ZDHHC17: variants seen among roughly 807,000 people sequenced by gnomAD.
ZDHHC17 encodes zDHHC palmitoyltransferase 17.
In ZDHHC17, 40 loss-of-function variants were observed where a neutral mutation model predicts 90.3. The observed-to-expected ratio is 0.44, with a 90% CI of 0.34 to 0.58. ZDHHC17 has a LOEUF of 0.58. ZDHHC17 is among the 20% of genes least tolerant of loss of function. ZDHHC17 has a pLI of 0.01. For missense variants in ZDHHC17, 614 were observed against 780.8 expected, an observed-to-expected ratio of 0.79 and a Z score of 2.55; for synonymous variants, 235 against 252.4, an observed-to-expected ratio of 0.93 and a Z score of 0.65.
In ZDHHC17 at chr12:76,822,537, C is replaced by G; in HGVS notation, c.897+6C>G. On this transcript the variant is annotated splice_donor_region_variant and intron_variant, in intron 8 of 16. Coordinates refer to ENST00000426126, the MANE Select transcript of ZDHHC17 (RefSeq NM_015336.4). ...GAAAGCTGAAAGCTGATAAGGTAAA[C>G]TCATAACTGAAGATTTTTTTTTTTT... 1.4e-6 allele frequency: 2 copies of G among 1,461,270 alleles called. No homozygotes were observed. The highest frequency in any genetic ancestry group is 1.9e-6 in the Non-Finnish European group (2 of 1,071,582). 90.5% of individuals were successfully genotyped at this position (1,461,270 alleles called of 1,614,324 possible). A position where few individuals can be genotyped will look rare whatever the true frequency, so the allele number is the denominator to read the frequency against.
Position 76,770,928 on chromosome 12 carries a change from A to G in ZDHHC17, c.93+6599A>G, listed in dbSNP as rs1459524783. On this transcript the variant is annotated intron_variant, in intron 1 of 16. Coordinates refer to ENST00000426126, the MANE Select transcript of ZDHHC17 (RefSeq NM_015336.4). Reference sequence around the variant, plus strand: ...GGGCAATGAGCAAAACTCCATCTCAAAAAAAAAAAAAAAAAAAAATGCAGT... The same window carrying G: ...GGGCAATGAGCAAAACTCCATCTCAGAAAAAAAAAAAAAAAAAAATGCAGT... Among the ~76,000 whole-genome samples, 10 of 112,934 alleles carry G rather than the reference A, an allele frequency of 8.9e-5. 1 individual carries two copies. The highest frequency in any genetic ancestry group is 7.9e-4 in the Admixed American group (9 of 11,332). 74.1% of individuals were successfully genotyped at this position (112,934 alleles called of 152,430 possible).
At chr12:76,843,791 T>C (rs1423859898) in intron 12 of ZDHHC17, 1 of 152,148 alleles carries the variant, frequency 6.6e-6, no homozygotes, top group Non-Finnish European at 1.5e-5. Context: ...AGTGAGCTCA[T>C]GTCTTAGCAT....
intron 14 of ZDHHC17, 66 bp downstream of exon 14, chr12:76,846,745 A>T: frequency 7.6e-7 from 1 of 1,314,706 alleles, no homozygotes; most frequent in Non-Finnish European, 1.1e-6. Flanking sequence ...TACTTACCAC[A>T]CTAACAAATT....
In ZDHHC17 at chr12:76,809,815, C is replaced by G. The variant is rs183589238; in HGVS notation, c.501C>G (p.Phe167Leu). 6.2e-7 allele frequency: 1 copy of G among 1,610,560 alleles called. No individual in the cohort carries two copies. Among genetic ancestry groups the G allele is most frequent in the South Asian group, 1.1e-5 (1 of 90,502 alleles). The change falls in exon 5 of 17, where the codon TTC (phenylalanine) becomes TTG (leucine). Residue 167 changes from phenylalanine (F) to leucine (L), a missense_variant. By Grantham distance (22) the Phe-to-Leu change is conservative. This residue lies in a region of ZDHHC17 where 358 missense variants were observed against 380.4 expected (regional missense o/e 0.94). Coordinates refer to ENST00000426126, the MANE Select transcript of ZDHHC17 (RefSeq NM_015336.4). ...GCSCIHLAAQ[F>L]GHTSIVAYLI... Reference sequence around the variant, plus strand: ...GCTGTATTCATCTGGCTGCTCAGTTCGGACATACCTCAATTGTTGCTTATC... The same window carrying G: ...GCTGTATTCATCTGGCTGCTCAGTTGGGACATACCTCAATTGTTGCTTATC...
At chr12:76,846,810 C>A in intron 14 of ZDHHC17, 131 bp downstream of exon 14, 5 of 721,952 alleles carry the variant, frequency 6.9e-6, no homozygotes, top group African/African-American at 1.8e-5. Context: ...CCTTATGAAG[C>A]ACAAAAGGGA....
chr12:76,815,797 T>C, intron 6 of ZDHHC17, 60 bp from the exon 7 acceptor site: 8 of 1,427,668 alleles, frequency 5.6e-6, no homozygotes, highest in Non-Finnish European at 7.4e-6. Flanking sequence ...TTTGTAATGA[T>C]TTCTATAATT....
intron 1 of ZDHHC17, among the ~76,000 whole-genome samples, chr12:76,775,477 T>C (rs1952548883): frequency 6.6e-6 from 1 of 152,226 alleles, no homozygotes; most frequent in Admixed American, 6.5e-5. Flanking sequence ...ACTGATTTGT[T>C]TATCTCCATT....
chr12:76,805,367 T>C lies in ZDHHC17; in HGVS notation c.248T>C (p.Val83Ala). 1 of 1,604,140 alleles carries C rather than the reference T, an allele frequency of 6.2e-7. No individual in the cohort carries two copies. The highest frequency in any genetic ancestry group is 1.1e-5 in the South Asian group (1 of 89,440). ...CRELVEAGYDVRQPDKENVTL... is the reference protein window; with the variant it reads ...CRELVEAGYDARQPDKENVTL... ...GAATTGGTGGAAGCAGGTTATGATGTACGGCAACCGGACAAAGAAAATGTT... is the reference window on the plus strand; with the variant it reads ...GAATTGGTGGAAGCAGGTTATGATGCACGGCAACCGGACAAAGAAAATGTT... The change falls in exon 3 of 17, where the codon GTA (valine) becomes GCA (alanine). Residue 83 changes from valine to alanine, a missense_variant. Transcript: ENST00000426126.
chr12:76,840,885 C>G (rs1048379202), intron 10 of ZDHHC17: 3 of 152,086 alleles, frequency 2.0e-5, no homozygotes, highest in Non-Finnish European at 2.9e-5. Context: ...ACGTTGGCAC[C>G]TTTTCAAAAC....
Position 76,851,123 on chromosome 12 carries a change from T to C in ZDHHC17, c.*138T>C. The C allele has an allele frequency of 3.0e-6, 3 of 1,008,072 alleles. No homozygotes were observed. Among genetic ancestry groups the C allele is most frequent in the Non-Finnish European group, 4.2e-6 (3 of 711,004 alleles). The allele number at this position is 1,008,072 out of a possible 1,614,324, so 62.4% of individuals were successfully genotyped here. Reference sequence around the variant, plus strand: ...GGCTAATGGTGAATTTTACAGTCTTTTTTTCAACACTTTTATTAACAAAAG... The same window carrying C: ...GGCTAATGGTGAATTTTACAGTCTTCTTTTCAACACTTTTATTAACAAAAG... On this transcript the variant is annotated 3_prime_UTR_variant, in exon 17 of 17. Coordinates refer to ENST00000426126, the MANE Select transcript of ZDHHC17 (RefSeq NM_015336.4).
At position 76,797,726 on chromosome 12, in the gene ZDHHC17, T is replaced by C. The variant is rs538828993; in HGVS notation, c.197+189T>C. 2.6e-5 allele frequency among the ~76,000 whole-genome samples: 4 copies of C among 152,248 alleles called. No individual in the cohort carries two copies. In the South Asian group the frequency reaches 8.3e-4, roughly 32 times the overall value. Reference sequence around the variant, plus strand: ...GCAAGGCCGAGGAGGGTGGATCACCTGAGGTCAGGAGTTTGAGACCAGCCT... The same window carrying C: ...GCAAGGCCGAGGAGGGTGGATCACCCGAGGTCAGGAGTTTGAGACCAGCCT... On this transcript the variant is annotated intron_variant, in intron 2 of 16. Coordinates refer to ENST00000426126, the MANE Select transcript of ZDHHC17 (RefSeq NM_015336.4).
chr12:76,845,306 T>C (rs1294240805), intron 12 of ZDHHC17: 2 of 152,276 alleles, frequency 1.3e-5, no homozygotes, highest in African/African-American at 2.4e-5. Context: ...TTTTATTTTA[T>C]TGAAAAACAC....
In ZDHHC17 at chr12:76,850,851, G is replaced by A; in HGVS notation, c.1765G>A (p.Gly589Arg). The A allele has an allele frequency of 6.2e-7, 1 of 1,613,560 alleles. No individual in the cohort carries two copies. The highest frequency in any genetic ancestry group is 8.5e-7 in the Non-Finnish European group (1 of 1,179,718). The change falls in exon 17 of 17, where the codon GGA becomes AGA. Residue 589 changes from glycine to arginine, a missense_variant. By Grantham distance (125) the Gly-to-Arg change is moderately radical (BLOSUM62 -2). Around this residue, in one of 5 missense-constraint regions of ZDHHC17, gnomAD observed 111 missense variants for 179.8 expected, o/e 0.62. Coordinates refer to ENST00000426126, the MANE Select transcript of ZDHHC17 (RefSeq NM_015336.4). The stretch of plus-strand genomic sequence containing the variant: ...TTTTTGGGGTGCTGTTTTTAGCCAT[G>A]GATGTGTAAGAAATATTATAGACTT... ...TTSIESPFNH[G>R]CVRNIIDFFE...
At chr12:76,818,260 A>C (rs1953113551) in intron 7 of ZDHHC17, among the ~76,000 whole-genome samples, 1 of 152,228 alleles carries the variant, frequency 6.6e-6, no homozygotes, top group African/African-American at 2.4e-5. Context: ...GTAATTAAAA[A>C]GATGAAATGA....
rs747260830 is a variant in ZDHHC17 at position 76,842,080 on chromosome 12, A to G, written c.1240A>G (p.Lys414Glu). 5 of 1,589,076 alleles carry G rather than the reference A, an allele frequency of 3.1e-6. No homozygotes were observed. Among genetic ancestry groups the G allele is most frequent in the Non-Finnish European group, 4.3e-6 (5 of 1,169,464 alleles). The change falls in exon 11 of 17, where the codon AAA becomes GAA. Residue 414 changes from lysine (K) to glutamate (E), a missense_variant. This residue lies in a region of ZDHHC17 where 117 missense variants were observed against 183.6 expected (regional missense o/e 0.64). Transcript: ENST00000426126. ...KSWKSDPGII[K>E]ATEEQKKKTI... The stretch of plus-strand genomic sequence containing the variant: ...TTGGAAATCAGATCCAGGGATTATT[A>G]AAGCAACAGAAGAGCAAAAGAAAAA...
chr12:76,814,976 A>G (rs1953066437), intron 5 of ZDHHC17, among the ~76,000 whole-genome samples, 170 bp from the exon 6 acceptor site: 2 of 152,020 alleles, frequency 1.3e-5, no homozygotes, highest in African/African-American at 4.8e-5. Flanking sequence ...TAGAGTATAT[A>G]GTGACAAGAG....
intron 9 of ZDHHC17, among the ~76,000 whole-genome samples, chr12:76,828,088 A>G (rs1473842724): frequency 2.0e-5 from 3 of 152,148 alleles, no homozygotes; most frequent in Non-Finnish European, 4.4e-5. Context: ...GATAGCTACT[A>G]TATATACTAA....
chr12:76,816,055 TG>T, intron 7 of ZDHHC17, 36 bp downstream of exon 7: 3 of 1,396,884 alleles, frequency 2.1e-6, no homozygotes, highest in Non-Finnish European at 2.8e-6. Context: ...CTGTATGAAA[TG>T]TGGCTAATAT....
At position 76,795,902 on chromosome 12, in the gene ZDHHC17, G is replaced by T. The variant is rs185820889; in HGVS notation, c.94-1532G>T. On this transcript the variant is annotated intron_variant, in intron 1 of 16. Coordinates refer to ENST00000426126, the MANE Select transcript of ZDHHC17 (RefSeq NM_015336.4). Reference sequence around the variant, plus strand: ...ATGTATATTTCTTTCTTCTAATGTGGGTATATAATTATAAATGTTAAAGTG... The same window carrying T: ...ATGTATATTTCTTTCTTCTAATGTGTGTATATAATTATAAATGTTAAAGTG... Among the ~76,000 whole-genome samples the T allele has an allele frequency of 1.2e-4, 18 of 151,936 alleles. No homozygotes were observed. In the East Asian group the frequency reaches 3.1e-3, roughly 26 times the overall value.
Sources: allele counts gnomAD v4.1 joint callset (sites outside exome capture counted in the v4.1 genomes callset), GRCh38; gene constraint gnomAD v4.1.1; regional missense constraint gnomAD v4.1.1; transcripts MANE v1.5; gene names NCBI Gene and HGNC (gene_info 2026-07-23, HGNC 2026-07-21).